Variants in GRIK2 observed in about 807,000 individuals in gnomAD.
GRIK2 encodes the protein glutamate receptor ionotropic, kainate 2.
A neutral mutation model predicts 100.3 loss-of-function variants in GRIK2; 32 were observed. The ratio of observed to expected loss-of-function variants is 0.32; its 90% CI spans 0.24 to 0.43. The LOEUF is 0.43. GRIK2 is among the 20% of genes least tolerant of loss of function. The pLI, the probability that GRIK2 is intolerant of heterozygous loss-of-function variation, is 1.00. For missense variants in GRIK2, 843 were observed against 1,114.9 expected, an observed-to-expected ratio of 0.76 and a Z score of 3.47; for synonymous variants, 417 against 389.4, an observed-to-expected ratio of 1.07 and a Z score of -0.83.
At chr6:101,911,452 A>T (rs1788686200) in intron 12 of GRIK2, among the ~76,000 whole-genome samples, 1 of 151,570 alleles carries the variant, frequency 6.6e-6, no homozygotes, top group African/African-American at 2.4e-5. Flanking sequence ...GTATTTGGGT[A>T]GCTTTATTGT....
intron 2 of GRIK2, among the ~76,000 whole-genome samples, chr6:101,505,799 A>G (rs1035797468): frequency 6.6e-6 from 1 of 151,884 alleles, no homozygotes; most frequent in African/African-American, 2.4e-5. Flanking sequence ...AAAACTAGAA[A>G]TCAGAAGACA....
chr6:101,447,465 G>T (rs1298001579), intron 2 of GRIK2, among the ~76,000 whole-genome samples: 1 of 151,644 alleles, frequency 6.6e-6, no homozygotes, highest in Admixed American at 6.6e-5. Context: ...CAGGAATTTT[G>T]ATTATAAATA....
chr6:102,044,596 T>C (rs1167216055), intron 15 of GRIK2, among the ~76,000 whole-genome samples: 1 of 151,912 alleles, frequency 6.6e-6, no homozygotes, highest in East Asian at 1.9e-4. Flanking sequence ...ACGAGAACAG[T>C]ATGGGGAACC....
chr6:101,863,361 A>T (rs1278266652), intron 11 of GRIK2, among the ~76,000 whole-genome samples: 2 of 152,114 alleles, frequency 1.3e-5, no homozygotes, highest in East Asian at 3.9e-4. Flanking sequence ...CACAGTCCTC[A>T]GTTCTTTCCT....
chr6:101,841,162 C>CA (rs1228151385), intron 10 of GRIK2, among the ~76,000 whole-genome samples: 1 of 152,146 alleles, frequency 6.6e-6, no homozygotes, highest in Admixed American at 6.6e-5. Context: ...TGCCCTCGAG[C>CA]AATAGCATTC....
At chr6:101,571,236 C>T (rs145439483) in intron 2 of GRIK2, among the ~76,000 whole-genome samples, 153 of 152,170 alleles carry the variant, frequency 1.0e-3, no homozygotes, top group African/African-American at 3.4e-3. Flanking sequence ...TTGGTTTACA[C>T]GTGCCATGAT....
rs147152507 is a variant in GRIK2, at chr6:102,005,313, T to G, written c.2086-30028T>G. On this transcript the variant is annotated intron_variant, in intron 14 of 16. Coordinates refer to ENST00000369134, the MANE Select transcript of GRIK2 (RefSeq NM_021956.5). ...AAATGCTGATCTTCAAATAAAAGAT[T>G]AATATATAATCTATAAGTTGTGATC... 3.8e-3 allele frequency among the ~76,000 whole-genome samples: 578 copies of G among 152,082 alleles called. 6 individuals are homozygous for G. Among genetic ancestry groups the G allele is most frequent in the African/African-American group, 0.013 (549 of 41,534 alleles).
chr6:101,606,593 G>A (rs1483229215), intron 2 of GRIK2, among the ~76,000 whole-genome samples: 2 of 151,944 alleles, frequency 1.3e-5, no homozygotes, highest in East Asian at 3.9e-4. Flanking sequence ...AGCAGAAACA[G>A]GACTAGAACC....
chr6:101,724,138 AATG>A (rs1209084305), intron 7 of GRIK2, among the ~76,000 whole-genome samples: 1 of 112,856 alleles, frequency 8.9e-6, no homozygotes, highest in Non-Finnish European at 1.7e-5. Flanking sequence ...CCTCAGTTTG[AATG>A]ATAAGTTATA....
intron 11 of GRIK2, among the ~76,000 whole-genome samples, chr6:101,866,262 C>G (rs1785048175): frequency 6.6e-6 from 1 of 152,068 alleles, no homozygotes; most frequent in African/African-American, 2.4e-5. Flanking sequence ...TCAATAGTAC[C>G]ATGTAACAGG....
At chr6:101,753,414 T>G (rs1187613488) in intron 7 of GRIK2, among the ~76,000 whole-genome samples, 2 of 152,194 alleles carry the variant, frequency 1.3e-5, no homozygotes, top group Non-Finnish European at 2.9e-5. Flanking sequence ...AGAAATCATT[T>G]TGTTCTTTCT....
At chr6:101,985,787 AAAGT>A (rs755793910) in intron 14 of GRIK2, among the ~76,000 whole-genome samples, 6 of 151,808 alleles carry the variant, frequency 4.0e-5, no homozygotes, top group Non-Finnish European at 8.8e-5. Flanking sequence ...ATTAAGAAAG[AAAGT>A]AATAATAAAA....
chr6:101,441,677 G>A (rs1331359460), intron 2 of GRIK2, among the ~76,000 whole-genome samples: 1 of 151,922 alleles, frequency 6.6e-6, no homozygotes, highest in Non-Finnish European at 1.5e-5. Context: ...ATGTGTGCAG[G>A]GTTTGTTACA....
At chr6:101,958,343 A>T (rs916082029) in intron 14 of GRIK2, among the ~76,000 whole-genome samples, 1 of 150,316 alleles carries the variant, frequency 6.7e-6, no homozygotes, top group Non-Finnish European at 1.5e-5. Flanking sequence ...GTTATTGATT[A>T]TAGAAATGCT....
At chr6:101,669,776 A>T (rs182439233) in intron 4 of GRIK2, among the ~76,000 whole-genome samples, 1 of 152,092 alleles carries the variant, frequency 6.6e-6, no homozygotes, top group African/African-American at 2.4e-5. Context: ...TATTTTTTGG[A>T]TGTCTTGAAT....
chr6:101,934,387 A>G (rs1228178629), intron 14 of GRIK2, among the ~76,000 whole-genome samples: 3 of 151,856 alleles, frequency 2.0e-5, no homozygotes, highest in Admixed American at 2.0e-4. Flanking sequence ...ATAGTCTGCC[A>G]CTTATTCTGA....
intron 11 of GRIK2, among the ~76,000 whole-genome samples, chr6:101,871,589 C>A (rs927212732): frequency 1.3e-5 from 2 of 151,810 alleles, no homozygotes; most frequent in Non-Finnish European, 2.9e-5. Flanking sequence ...TCCATGTGTA[C>A]CCAATGTTTA....
intron 14 of GRIK2, among the ~76,000 whole-genome samples, chr6:101,992,757 T>A (rs192824099): frequency 2.0e-5 from 3 of 151,696 alleles, no homozygotes; most frequent in Non-Finnish European, 3.0e-5. Context: ...TAAACTAAAC[T>A]TTTAAAAAAT....
At chr6:101,646,119 A>C (rs1781515203) in intron 4 of GRIK2, among the ~76,000 whole-genome samples, 1 of 151,030 alleles carries the variant, frequency 6.6e-6, no homozygotes, top group Admixed American at 6.6e-5. Context: ...GCTGTTCCAC[A>C]AGGGCAGAGA....
Sources: allele counts gnomAD v4.1 joint callset (sites outside exome capture counted in the v4.1 genomes callset), GRCh38; gene constraint gnomAD v4.1.1; transcripts MANE v1.5; gene names NCBI Gene and HGNC (gene_info 2026-07-23, HGNC 2026-07-21).